The following COL15A1 variants were observed in gnomAD, a reference collection of about 807,000 sequenced individuals.
COL15A1 encodes collagen type XV alpha 1 chain, also known as collagen alpha-1(XV) chain.
COL15A1 carries 111 observed loss-of-function variants against 165.9 expected under a neutral mutation model. That is an observed-to-expected ratio of 0.67 (90% CI 0.57 to 0.78). COL15A1 has a LOEUF of 0.78. Ranked by LOEUF, COL15A1 falls within the 30% of genes least tolerant of loss-of-function variation. COL15A1 has a pLI of 0.00. For missense variants in COL15A1, 1,745 were observed against 1,789.7 expected, an observed-to-expected ratio of 0.98 and a Z score of 0.45; for synonymous variants, 659 against 674.8, an observed-to-expected ratio of 0.98 and a Z score of 0.36.
At chr9:99,046,359 G>A (rs1055515626) in intron 26 of COL15A1, among the ~76,000 whole-genome samples, 3 of 152,194 alleles carry the variant, frequency 2.0e-5, no homozygotes, top group Non-Finnish European at 4.4e-5. Context: ...TAGAACTGTA[G>A]AACCTCAGGC....
At position 99,034,628 on chromosome 9, in the gene COL15A1, C is replaced by CCTCCTCG. The variant is rs754990715; in HGVS notation, c.2079+50_2079+51insGCTCCTC. 4 of 1,495,414 alleles carry CCTCCTCG rather than the reference C, an allele frequency of 2.7e-6. No homozygotes were observed. The East Asian group carries it at 1.0e-4, about 37-fold the overall frequency. The allele number at this position is 1,495,414 out of a possible 1,614,324, so 92.6% of individuals were successfully genotyped here. A position where few individuals can be genotyped will look rare whatever the true frequency, so the allele number is the denominator to read the frequency against. ...AAAAAAAAAAAAGAACTTTCTTCTC[C>CCTCCTCG]CTCCTCCCCTTTCTTTGAGTTTACT... is the stretch of plus-strand genomic sequence containing the variant. On this transcript the variant is annotated intron_variant, in intron 17 of 41. Coordinates refer to ENST00000375001, the MANE Select transcript of COL15A1 (RefSeq NM_001855.5).
At chr9:99,048,053 A>T in intron 28 of COL15A1, 53 bp downstream of exon 28, 1 of 967,708 alleles carries the variant, frequency 1.0e-6, no homozygotes, top group Non-Finnish European at 1.6e-6. Flanking sequence ...AGGGTGAGAG[A>T]GTGTGGGGTC....
chr9:99,066,599 G>GGTTTTTTTTTTTTTTTTTTTTTT, intron 39 of COL15A1, among the ~76,000 whole-genome samples: 1 of 71,040 alleles, frequency 1.4e-5, no homozygotes, highest in East Asian at 3.7e-4. Flanking sequence ...ATTTTGTTCT[G>GGTTTTTTTTTTTTTTTTTTTTTT]TTTTTTTTTT....
At chr9:98,988,141 G>A (rs1363486166) in intron 4 of COL15A1, among the ~76,000 whole-genome samples, 1 of 152,184 alleles carries the variant, frequency 6.6e-6, no homozygotes, top group East Asian at 1.9e-4. Flanking sequence ...GTTGCCTTTT[G>A]GGTGGCATCA....
In COL15A1 at chr9:99,062,228, T is replaced by C. The variant is rs769966173; in HGVS notation, c.3532-17T>C. On this transcript the variant is annotated splice_polypyrimidine_tract_variant and intron_variant, in intron 37 of 41. Transcript: ENST00000375001. ...TTGTAATTGATCTTTCATTTCAATGTACTGTTTTTCTTAAAGCTGGGAGAA... is the reference window on the plus strand; with the variant it reads ...TTGTAATTGATCTTTCATTTCAATGCACTGTTTTTCTTAAAGCTGGGAGAA... The C allele has an allele frequency of 6.2e-7, 1 of 1,611,378 alleles. No individual in the cohort carries two copies. The highest frequency in any genetic ancestry group is 8.5e-7 in the Non-Finnish European group (1 of 1,177,454).
chr9:99,022,635 C>T (rs1174346301), intron 13 of COL15A1, among the ~76,000 whole-genome samples: 1 of 152,224 alleles, frequency 6.6e-6, no homozygotes, highest in East Asian at 1.9e-4. Flanking sequence ...TCCCTTCCCC[C>T]ACACACATGT....
At chr9:99,006,923 A>G (rs958897448) in intron 9 of COL15A1, among the ~76,000 whole-genome samples, 1 of 152,230 alleles carries the variant, frequency 6.6e-6, no homozygotes, top group South Asian at 2.1e-4. Flanking sequence ...TTATTTTGCC[A>G]GGGTTAAGGA....
At chr9:98,985,541 T>C (rs377517566) in intron 2 of COL15A1, 24 bp from the exon 3 acceptor site, 185 of 1,595,442 alleles carry the variant, frequency 1.2e-4, no homozygotes, top group Non-Finnish European at 1.5e-4. Flanking sequence ...CTGTAAAGCG[T>C]GGCCTCTCTC....
chr9:98,985,051 C>A (rs1838285683), intron 2 of COL15A1, among the ~76,000 whole-genome samples: 1 of 152,154 alleles, frequency 6.6e-6, no homozygotes, highest in Non-Finnish European at 1.5e-5. Flanking sequence ...CTGGGCCTCC[C>A]AAAATGCTGG....
At chr9:98,978,606 A>G (rs979563706) in intron 2 of COL15A1, among the ~76,000 whole-genome samples, 1 of 152,102 alleles carries the variant, frequency 6.6e-6, no homozygotes, top group Non-Finnish European at 1.5e-5. Context: ...TCTCAGTGGG[A>G]TGTGTGGTTT....
At chr9:98,987,180 C>T (rs946516146) in intron 3 of COL15A1, 114 bp from the exon 4 acceptor site, 3 of 1,013,514 alleles carry the variant, frequency 3.0e-6, no homozygotes, top group Non-Finnish European at 4.5e-6. Flanking sequence ...GCTGTACATC[C>T]TCATTCCCAC....
rs1030783576 is a variant in COL15A1, at chr9:99,048,622, A to C, written c.2793+622A>C. ...TTTGTTACATATGTATACATGTGCC[A>C]TTTTGGTGTGCTGCACCCATTAACT... is the stretch of plus-strand genomic sequence containing the variant. On this transcript the variant is annotated intron_variant, in intron 28 of 41. Transcript: ENST00000375001. Among the ~76,000 whole-genome samples, 27 of 151,894 alleles carry C rather than the reference A, an allele frequency of 1.8e-4. 1 individual carries two copies. Among genetic ancestry groups the C allele is most frequent in the African/African-American group, 6.3e-4 (26 of 41,322 alleles).
intron 6 of COL15A1, 32 bp downstream of exon 6, chr9:98,997,113 C>A (rs1358514067): frequency 1.9e-6 from 3 of 1,612,858 alleles, no homozygotes; most frequent in Non-Finnish European, 2.5e-6. Context: ...TACGTAGTGG[C>A]CTTTTATTGG....
At chr9:98,996,403 T>C (rs1220672261) in intron 5 of COL15A1, among the ~76,000 whole-genome samples, 2 of 152,334 alleles carry the variant, frequency 1.3e-5, no homozygotes, top group African/African-American at 4.8e-5. Flanking sequence ...GGGTTTTGTT[T>C]GTTTGCTTTT....
Position 98,989,235 on chromosome 9 carries a change from G to GC in COL15A1, c.783dup (p.Val262ArgfsTer14). 6.2e-7 allele frequency: 1 copy of GC among 1,614,078 alleles called. No homozygotes were observed. Among genetic ancestry groups the GC allele is most frequent in the Non-Finnish European group, 8.5e-7 (1 of 1,179,928 alleles). ...AGACGGAGTAGCTGAGATCTTAGAA[G>GC]CCGTCACCTACACTCAAGCCTCGGT... On this transcript the variant is annotated frameshift_variant, in exon 5 of 42. Transcript: ENST00000375001. LOFTEE classifies it high-confidence loss of function.
At chr9:98,988,604 A>C (rs913387980) in intron 4 of COL15A1, among the ~76,000 whole-genome samples, 3 of 152,136 alleles carry the variant, frequency 2.0e-5, no homozygotes, top group Non-Finnish European at 2.9e-5. Context: ...ATTCTGTTAG[A>C]GCAATAAAAT....
intron 11 of COL15A1, among the ~76,000 whole-genome samples, chr9:99,017,775 C>T (rs1838961162): frequency 6.6e-6 from 1 of 152,154 alleles, no homozygotes; most frequent in African/African-American, 2.4e-5. Flanking sequence ...CTAGTGATGC[C>T]ACATCGGGCA....
intron 2 of COL15A1, among the ~76,000 whole-genome samples, chr9:98,971,486 C>T (rs1205630659): frequency 8.5e-5 from 13 of 152,090 alleles, no homozygotes; most frequent in Non-Finnish European, 1.6e-4. Context: ...GAGCTGACAA[C>T]GAAACTCTTC....
intron 2 of COL15A1, among the ~76,000 whole-genome samples, chr9:98,968,228 G>A (rs932510817): frequency 5.9e-5 from 9 of 152,170 alleles, no homozygotes; most frequent in Admixed American, 2.0e-4. Flanking sequence ...ACTTGCAATC[G>A]TGCTTGGACA....
Sources: gnomAD v4.1 joint callset for allele counts (sites outside exome capture counted in the v4.1 genomes callset) on GRCh38, gnomAD v4.1.1 for gene constraint, MANE v1.5 for transcripts, NCBI Gene and HGNC (gene_info 2026-07-23, HGNC 2026-07-21) for gene names.